The following MRPS5 variants were observed in gnomAD, a reference collection of about 807,000 sequenced individuals.
The protein encoded by MRPS5 is mitochondrial ribosomal protein S5, also known as small ribosomal subunit protein uS5m.
In MRPS5, 27 loss-of-function variants were observed where a neutral mutation model predicts 51.9. The observed-to-expected ratio is 0.52, with a 90% CI of 0.38 to 0.72. The LOEUF (loss-of-function observed/expected upper bound fraction) is 0.72, where lower values mean the gene tolerates loss of function less well. Ranked by LOEUF, MRPS5 falls within the 30% of genes least tolerant of loss-of-function variation. The pLI is 0.00. For missense variants in MRPS5, 570 were observed against 545.7 expected (o/e 1.04, Z -0.44); for synonymous variants, 196 against 193.2 (o/e 1.01, Z -0.12).
chr2:95,098,490 C>CA (rs569994879), intron 10 of MRPS5, among the ~76,000 whole-genome samples: 3 of 152,258 alleles, frequency 2.0e-5, no homozygotes, highest in African/African-American at 7.2e-5. Context: ...TACATATATA[C>CA]CACTGAATAC....
intron 1 of MRPS5, among the ~76,000 whole-genome samples, chr2:95,120,069 T>C (rs1676397399): frequency 6.6e-6 from 1 of 152,120 alleles, no homozygotes; most frequent in Non-Finnish European, 1.5e-5. Flanking sequence ...GAAGAAACAG[T>C]AAACACAGTT....
chr2:95,117,865 C>T lies in MRPS5; in HGVS notation c.139G>A (p.Gly47Ser). The T allele has an allele frequency of 6.2e-7, 1 of 1,602,454 alleles. No individual in the cohort carries two copies. Residue 47 changes from glycine (G) to serine (S), a missense_variant and splice_region_variant, in exon 2 of 12, where the codon GGC becomes AGC. Coordinates refer to ENST00000272418, the MANE Select transcript of MRPS5 (RefSeq NM_031902.5). ...AGGTAGTAGCATTAATGAATCTCAC[C>T]ATTGCCGAGAACACTCTTCCATGCC... ...ILAWKSVLGN[G>S]HLSSLGTRDT...
rs369219696 is a variant in MRPS5, at chr2:95,087,421, T to C, written c.1229A>G (p.Asp410Gly). ...EVPDVKLDWE[D>G]VKTAQGMKRS... ...CTTCATTCCCTGTGCAGTCTTCACA[T>C]CTTCCCAGTCCAGTTTGACGTCTGG... Residue 410 changes from aspartate to glycine, a missense_variant, in exon 12 of 12, where the codon GAT becomes GGT. Coordinates refer to ENST00000272418, the MANE Select transcript of MRPS5 (RefSeq NM_031902.5). The C allele has an allele frequency of 2.0e-5, 33 of 1,614,060 alleles. No individual in the cohort carries two copies. The highest frequency in any genetic ancestry group is 2.7e-5 in the Non-Finnish European group (32 of 1,180,036).
chr2:95,121,811 C>T, upstream of MRPS5: 1 of 1,531,316 alleles, frequency 6.5e-7, no homozygotes, highest in Non-Finnish European at 8.7e-7. Context: ...CGAGCCGCGC[C>T]TCGGCCTCCG....
rs150457221 is a variant in MRPS5 at position 95,087,497 on chromosome 2, C to A, written c.1153G>T (p.Ala385Ser). The change falls in exon 12 of 12, where the codon GCG becomes TCG. Residue 385 changes from alanine to serine, a missense_variant. By Grantham distance (99) the Ala-to-Ser change is moderately conservative. Transcript: ENST00000272418. ...TTCCTCAAGGGCCCCCGGGGGGACG[C>A]AACCACAATGGGCAGAGGGCCACAT... ...EECGPLPIVV[A>S]SPRGPLRKDP... 6.2e-6 allele frequency: 10 copies of A among 1,614,086 alleles called. No individual in the cohort carries two copies. The African/African-American group carries it at 1.1e-4, about 17-fold the overall frequency.
At chr2:95,121,874 A>C, upstream of MRPS5, 4 of 1,417,384 alleles carry the variant, frequency 2.8e-6, no homozygotes, top group Non-Finnish European at 3.7e-6. Flanking sequence ...TCAAACGGCA[A>C]GCCTTGGGCC....
At chr2:95,100,993 T>G in intron 8 of MRPS5, 99 bp from the exon 9 acceptor site, 1 of 1,056,296 alleles carries the variant, frequency 9.5e-7, no homozygotes, top group African/African-American at 1.6e-5. Context: ...TATCAAAAAT[T>G]CACTTACGCA....
intron 4 of MRPS5, among the ~76,000 whole-genome samples, chr2:95,108,622 T>A (rs550920987): frequency 6.6e-6 from 1 of 152,296 alleles, no homozygotes; most frequent in East Asian, 1.9e-4. Context: ...GTACAAGGCA[T>A]ATGGATGCTT....
At chr2:95,101,558 A>G in intron 8 of MRPS5, 119 bp downstream of exon 8, 2 of 731,614 alleles carry the variant, frequency 2.7e-6, no homozygotes, top group Non-Finnish European at 4.4e-6. Context: ...AACCCTTGAC[A>G]GCAAGCCTCA....
chr2:95,098,122 A>G (rs1675681763), intron 10 of MRPS5, among the ~76,000 whole-genome samples: 1 of 152,218 alleles, frequency 6.6e-6, no homozygotes. Context: ...TGGTTTTGCA[A>G]ATCAAAATCA....
At chr2:95,095,205 G>T (rs1675588055) in intron 10 of MRPS5, among the ~76,000 whole-genome samples, 2 of 152,190 alleles carry the variant, frequency 1.3e-5, no homozygotes, top group Non-Finnish European at 2.9e-5. Flanking sequence ...ATCCAATACA[G>T]GAGCACCCAG....
chr2:95,106,718 C>T, intron 5 of MRPS5: 1 of 519,594 alleles, frequency 1.9e-6, no homozygotes, highest in Non-Finnish European at 3.5e-6. Context: ...CCCCTCCAGA[C>T]CCTGGATCCC....
At chr2:95,101,253 G>A (rs1675792939) in intron 8 of MRPS5, among the ~76,000 whole-genome samples, 1 of 151,852 alleles carries the variant, frequency 6.6e-6, no homozygotes, top group Non-Finnish European at 1.5e-5. Context: ...GTGTGGTGGT[G>A]GGCACCTGTA....
chr2:95,116,330 C>T (rs544472097), intron 2 of MRPS5, among the ~76,000 whole-genome samples: 1 of 151,874 alleles, frequency 6.6e-6, no homozygotes, highest in East Asian at 1.9e-4. Flanking sequence ...TTTAGCACTG[C>T]AATCTCTGAT....
upstream of MRPS5, chr2:95,121,945 C>A (rs558100361): frequency 1.1e-6 from 1 of 877,084 alleles, no homozygotes. Context: ...AGGGACTGTC[C>A]GGACGGGCCA....
rs1392970220 is a variant in MRPS5, at chr2:95,106,461, T to C, written c.638-4A>G. 1.9e-6 allele frequency: 3 copies of C among 1,610,790 alleles called. No individual in the cohort carries two copies. Among genetic ancestry groups the C allele is most frequent in the Admixed American group, 1.7e-5 (1 of 59,976 alleles). On this transcript the variant is annotated splice_region_variant and splice_polypyrimidine_tract_variant and intron_variant, in intron 5 of 11. Transcript: ENST00000272418. ...GTATCAAAATCCTCATATGTTTCTGTAGGGAGAAAAGAAACAGGGATACAG... is the reference window on the plus strand; with the variant it reads ...GTATCAAAATCCTCATATGTTTCTGCAGGGAGAAAAGAAACAGGGATACAG...
chr2:95,104,565 G>C, intron 7 of MRPS5, 75 bp downstream of exon 7: 1 of 1,487,838 alleles, frequency 6.7e-7, no homozygotes, highest in Non-Finnish European at 9.4e-7. Flanking sequence ...TGAGCCCATG[G>C]GCTCCACAGC....
At chr2:95,091,591 T>C (rs1404890444) in intron 10 of MRPS5, 1 of 152,238 alleles carries the variant, frequency 6.6e-6, no homozygotes, top group African/African-American at 2.4e-5. Flanking sequence ...GGGCCCAAGT[T>C]TGGCCTCTAA....
intron 3 of MRPS5, among the ~76,000 whole-genome samples, chr2:95,111,487 T>C (rs1021038351): frequency 6.6e-5 from 10 of 151,984 alleles, no homozygotes; most frequent in Non-Finnish European, 1.5e-4. Flanking sequence ...GAGACAAAAA[T>C]GTAAAAAGAC....
Sources: gnomAD v4.1 joint callset for allele counts (sites outside exome capture counted in the v4.1 genomes callset) on GRCh38, gnomAD v4.1.1 for gene constraint, MANE v1.5 for transcripts, NCBI Gene and HGNC (gene_info 2026-07-23, HGNC 2026-07-21) for gene names.